Variants in MYO16 observed in about 807,000 individuals in gnomAD.
MYO16 encodes unconventional myosin-XVI.
MYO16 carries 94 observed loss-of-function variants against 205.3 expected under a neutral mutation model. The ratio of observed to expected loss-of-function variants is 0.46; its 90% CI spans 0.39 to 0.54. MYO16 has a LOEUF of 0.54. Among genes scored for constraint, MYO16 ranks in the 20% least tolerant of loss-of-function variants. The pLI is 0.00. For missense variants in MYO16, 2,315 were observed against 2,387.5 expected, an observed-to-expected ratio of 0.97 and a Z score of 0.63; for synonymous variants, 988 against 954.0, an observed-to-expected ratio of 1.04 and a Z score of -0.66.
intron 22 of MYO16, among the ~76,000 whole-genome samples, chr13:109,011,479 TTTTTTTTTTTCTTCCTTTC>T (rs1163089364): frequency 7.2e-5 from 8 of 111,518 alleles, no homozygotes; most frequent in Non-Finnish European, 1.4e-4. Context: ...TCTTTTTGCT[TTTTTTTTTTTCTTCCTTTC>T]TTTTTTTTTT....
intron 15 of MYO16, among the ~76,000 whole-genome samples, chr13:108,909,617 G>T (rs1473918306): frequency 1.3e-5 from 2 of 151,486 alleles, no homozygotes; most frequent in Non-Finnish European, 2.9e-5. Flanking sequence ...GCCTTTAGTG[G>T]GGCACTTTTT....
intron 12 of MYO16, among the ~76,000 whole-genome samples, chr13:108,881,575 A>G (rs773241199): frequency 4.6e-5 from 7 of 152,194 alleles, no homozygotes; most frequent in Non-Finnish European, 1.0e-4. Flanking sequence ...GGCTAACCAG[A>G]ATAAAAAGCA....
At chr13:109,001,181 T>A (rs372878179) in intron 21 of MYO16, among the ~76,000 whole-genome samples, 69 of 137,254 alleles carry the variant, frequency 5.0e-4, no homozygotes, top group South Asian at 3.0e-3. Flanking sequence ...ATAAAAAATT[T>A]AAAAAAAAAA....
rs1566544217 is a variant in MYO16 at position 108,676,400 on chromosome 13, TG to T, written c.292+10252del. Among the ~76,000 whole-genome samples, 83 of 147,494 alleles carry T rather than the reference TG, an allele frequency of 5.6e-4. 1 individual carries two copies. The highest frequency in any genetic ancestry group is 5.1e-3 in the Admixed American group (73 of 14,234). On this transcript the variant is annotated intron_variant, in intron 2 of 34. Transcript: ENST00000457511. ...GTGTGTGTGTGTGTGTGTGTGTGTG[TG>T]TGTGTGCCAGCCATCTCTCTAAACA...
chr13:108,495,981 A>G, the MYO16 span, among the ~76,000 whole-genome samples: 47 of 152,196 alleles, frequency 3.1e-4, no homozygotes, highest in Middle Eastern at 3.4e-3. Context: ...GCGGCGGGGC[A>G]GCCTCTCCGA....
chr13:108,839,834 C>T (rs1877141330), intron 9 of MYO16, among the ~76,000 whole-genome samples: 1 of 152,178 alleles, frequency 6.6e-6, no homozygotes, highest in Non-Finnish European at 1.5e-5. Context: ...CTCCAGGGAA[C>T]TCTTGTCTTC....
At chr13:108,543,659 A>G in the MYO16 span, among the ~76,000 whole-genome samples, 7 of 150,552 alleles carry the variant, frequency 4.6e-5, no homozygotes, top group African/African-American at 1.5e-4. Context: ...AAAAAAAAAA[A>G]AAAAGAAAAA....
At chr13:109,029,099 C>T (rs1222860327) in intron 23 of MYO16, among the ~76,000 whole-genome samples, 3 of 132,030 alleles carry the variant, frequency 2.3e-5, no homozygotes, top group African/African-American at 8.2e-5. Context: ...TGCCTTTAAA[C>T]ATTTTTTCTT....
chr13:108,642,471 C>T (rs565059192), intron 1 of MYO16, among the ~76,000 whole-genome samples: 1 of 152,266 alleles, frequency 6.6e-6, no homozygotes, highest in Non-Finnish European at 1.5e-5. Context: ...GAGATGAAGT[C>T]TCGCTCTGTC....
At chr13:108,542,834 T>C in the MYO16 span, among the ~76,000 whole-genome samples, 1 of 151,810 alleles carries the variant, frequency 6.6e-6, no homozygotes, top group African/African-American at 2.4e-5. Context: ...TTTTATTCTA[T>C]TATTAATTTT....
At chr13:108,688,370 G>C (rs1264330134) in intron 2 of MYO16, among the ~76,000 whole-genome samples, 1 of 152,148 alleles carries the variant, frequency 6.6e-6, no homozygotes, top group Non-Finnish European at 1.5e-5. Context: ...CGATGTGGTA[G>C]ATCATATGAA....
At chr13:109,178,980 AT>A (rs889889619) in intron 33 of MYO16, among the ~76,000 whole-genome samples, 13 of 152,214 alleles carry the variant, frequency 8.5e-5, no homozygotes, top group Admixed American at 3.3e-4. Context: ...TTGCTCATGA[AT>A]TGGTGTGTTG....
the MYO16 span, among the ~76,000 whole-genome samples, chr13:108,547,271 CAAAAAAAAAAAAA>C: frequency 2.2e-5 from 2 of 92,378 alleles, no homozygotes; most frequent in East Asian, 6.5e-4. Flanking sequence ...GACTCTGTCT[CAAAAAAAAAAAAA>C]AAAAAGAAGG....
intron 20 of MYO16, among the ~76,000 whole-genome samples, chr13:108,979,748 T>C (rs1594443125): frequency 6.6e-6 from 1 of 152,080 alleles, no homozygotes; most frequent in African/African-American, 2.4e-5. Flanking sequence ...TGTGCATTTG[T>C]TTTTTCATTA....
intron 27 of MYO16, among the ~76,000 whole-genome samples, chr13:109,071,794 T>A (rs897676205): frequency 1.3e-5 from 2 of 152,142 alleles, no homozygotes; most frequent in African/African-American, 2.4e-5. Context: ...TAAAGAGGAA[T>A]CATCACAGGA....
At chr13:108,670,888 T>C (rs1566541118) in intron 2 of MYO16, among the ~76,000 whole-genome samples, 1 of 152,202 alleles carries the variant, frequency 6.6e-6, no homozygotes, top group Non-Finnish European at 1.5e-5. Context: ...GTTACATAAT[T>C]AAAATCTGTT....
At chr13:108,986,846 T>C (rs1273985526) in intron 20 of MYO16, among the ~76,000 whole-genome samples, 1 of 152,092 alleles carries the variant, frequency 6.6e-6, no homozygotes, top group African/African-American at 2.4e-5. Flanking sequence ...CAATTGGAAA[T>C]AGTTTTCTGC....
chr13:109,156,066 C>T (rs7139773), intron 32 of MYO16, among the ~76,000 whole-genome samples: 3,438 of 152,262 alleles, frequency 0.023, 59 homozygotes, highest in Non-Finnish European at 0.034. Context: ...GCCCTGTTTG[C>T]ATTTCTTCCT....
the MYO16 span, among the ~76,000 whole-genome samples, chr13:108,579,256 C>G: frequency 6.6e-6 from 1 of 151,990 alleles, no homozygotes; most frequent in Non-Finnish European, 1.5e-5. Context: ...TGCAGTTTTC[C>G]CATGAGTCAC....
Sources: allele counts gnomAD v4.1 joint callset (sites outside exome capture counted in the v4.1 genomes callset), GRCh38; gene constraint gnomAD v4.1.1; transcripts MANE v1.5; gene names NCBI Gene and HGNC (gene_info 2026-07-23, HGNC 2026-07-21).